Variants in RTTN observed in about 807,000 individuals in gnomAD.
RTTN encodes the protein rotatin.
RTTN carries 182 observed loss-of-function variants against 269.2 expected under a neutral mutation model. The ratio of observed to expected loss-of-function variants is 0.68; its 90% confidence interval spans 0.60 to 0.76. RTTN has a LOEUF of 0.76. Ranked by LOEUF, RTTN falls within the 30% of genes least tolerant of loss-of-function variation. The pLI, the probability that RTTN is intolerant of heterozygous loss-of-function variation, is 0.00. For synonymous variants in RTTN, 1,006 were observed against 963.5 expected, an observed-to-expected ratio of 1.04 and a Z score of -0.82; for missense variants, 2,545 against 2,608.6, an observed-to-expected ratio of 0.98 and a Z score of 0.53.
intron 46 of RTTN, among the ~76,000 whole-genome samples, chr18:70,016,711 G>A (rs375345501): frequency 5.3e-5 from 8 of 152,002 alleles, no homozygotes; most frequent in Middle Eastern, 3.4e-3. Context: ...AAGTCTCTGC[G>A]AGGCTCACTG....
chr18:70,190,474 A>C (rs2061644455), intron 9 of RTTN, 64 bp downstream of exon 9: 1 of 1,307,974 alleles, frequency 7.6e-7, no homozygotes, highest in Admixed American at 1.9e-5. Context: ...AAAAAAGGAA[A>C]ATCCTAACGA....
At chr18:70,140,810 G>A (rs1038265854) in intron 19 of RTTN, among the ~76,000 whole-genome samples, 4 of 151,940 alleles carry the variant, frequency 2.6e-5, no homozygotes, top group East Asian at 1.9e-4. Flanking sequence ...ATGTGCACAC[G>A]CACACACAAA....
intron 40 of RTTN, among the ~76,000 whole-genome samples, chr18:70,045,850 G>A (rs1036733091): frequency 6.6e-6 from 1 of 152,128 alleles, no homozygotes; most frequent in Non-Finnish European, 1.5e-5. Context: ...CACAAAATAC[G>A]TGATTTGTAA....
At chr18:70,047,829 C>T in intron 40 of RTTN, 142 bp downstream of exon 40, 2 of 693,526 alleles carry the variant, frequency 2.9e-6, no homozygotes, top group Admixed American at 2.9e-5. Flanking sequence ...ACTTTATAAA[C>T]TTTTGTATCA....
intron 40 of RTTN, among the ~76,000 whole-genome samples, chr18:70,036,361 G>C (rs1435399126): frequency 6.6e-6 from 1 of 152,322 alleles, no homozygotes; most frequent in East Asian, 1.9e-4. Context: ...ATACTATGCA[G>C]CCATAAAAAA....
chr18:70,121,164 T>G (rs2059727900), intron 26 of RTTN, among the ~76,000 whole-genome samples: 2 of 152,090 alleles, frequency 1.3e-5, no homozygotes, highest in South Asian at 4.1e-4. Flanking sequence ...TGAACACACT[T>G]TATCTTTATA....
chr18:70,176,788 T>G lies in RTTN; in HGVS notation c.1363A>C (p.Ser455Arg), dbSNP rs182104010. The G allele has an allele frequency of 6.2e-7, 1 of 1,614,114 alleles. No individual in the cohort carries two copies. Among genetic ancestry groups the G allele is most frequent in the Non-Finnish European group, 8.5e-7 (1 of 1,179,964 alleles). Residue 455 changes from serine (S) to arginine (R), a missense_variant, in exon 11 of 49, where the codon AGT becomes CGT. Physicochemically the swap from Ser to Arg is moderately radical, Grantham distance 110. Transcript: ENST00000640769. The part of the protein sequence containing the change: ...ALGETMCYHK[S>R]SISLEQPEVM... ...TCTGGCTGCTCCAAACTGATACTAC[T>G]TTTATGGTAGCACATGGTTTCTCCA...
intron 17 of RTTN, among the ~76,000 whole-genome samples, chr18:70,147,643 G>T (rs923037300): frequency 6.6e-6 from 1 of 151,992 alleles, no homozygotes. Flanking sequence ...GATGGGATGG[G>T]GTAGAATTAA....
chr18:70,116,739 C>G (rs767279616), intron 26 of RTTN, among the ~76,000 whole-genome samples: 18 of 152,030 alleles, frequency 1.2e-4, no homozygotes, highest in Non-Finnish European at 2.7e-4. Context: ...TCATATCCAA[C>G]TTTACATCCA....
At chr18:70,036,812 C>T (rs143195534) in intron 40 of RTTN, among the ~76,000 whole-genome samples, 2 of 152,112 alleles carry the variant, frequency 1.3e-5, no homozygotes, top group African/African-American at 4.8e-5. Context: ...AGAAAAGCAC[C>T]GTCACGAGAA....
intron 45 of RTTN, chr18:70,019,672 C>T (rs1425527675): frequency 6.6e-6 from 1 of 152,294 alleles, no homozygotes; most frequent in East Asian, 1.9e-4. Flanking sequence ...GTAACATCAA[C>T]TGGAATTTTT....
At chr18:70,062,319 G>T (rs1335773499) in intron 35 of RTTN, among the ~76,000 whole-genome samples, 1 of 151,944 alleles carries the variant, frequency 6.6e-6, no homozygotes, top group Non-Finnish European at 1.5e-5. Context: ...TGCAGAGAAG[G>T]GTCACTATCC....
rs1212308634 is a variant in RTTN, at chr18:70,048,267, G to A, written c.5324-79C>T. 3.9e-6 allele frequency: 5 copies of A among 1,289,946 alleles called. No homozygotes were observed. The African/African-American group carries it at 5.9e-5, about 15-fold the overall frequency. The allele number at this position is 1,289,946 out of a possible 1,614,324, so 79.9% of individuals were successfully genotyped here. A position where few individuals can be genotyped will look rare whatever the true frequency, so the allele number is the denominator to read the frequency against. On this transcript the variant is annotated intron_variant, in intron 39 of 48. Transcript: ENST00000640769. ...AAAAGGAAATCAAGTTGATTTTAAA[G>A]TAACTATACTCTGGATCATCTAGAT...
chr18:70,132,698 C>T (rs1441777783), intron 23 of RTTN, among the ~76,000 whole-genome samples: 1 of 151,868 alleles, frequency 6.6e-6, no homozygotes, highest in African/African-American at 2.4e-5. Flanking sequence ...TAATCAATGG[C>T]CAATCCTCCA....
At chr18:70,069,420 T>C (rs1004336289) in intron 34 of RTTN, among the ~76,000 whole-genome samples, 1 of 152,174 alleles carries the variant, frequency 6.6e-6, no homozygotes, top group Non-Finnish European at 1.5e-5. Context: ...TGTTCTTCAG[T>C]GTGTTTGTAA....
chr18:70,111,671 T>C (rs2059470297), intron 27 of RTTN, among the ~76,000 whole-genome samples: 1 of 152,246 alleles, frequency 6.6e-6, no homozygotes, highest in South Asian at 2.1e-4. Context: ...ACCAAATCTA[T>C]GTTCGATTGG....
rs748817683 is a variant in RTTN at position 70,134,483 on chromosome 18, C to T, written c.2944G>A (p.Val982Ile). 1.1e-5 allele frequency: 18 copies of T among 1,606,766 alleles called. No individual in the cohort carries two copies. The highest frequency in any genetic ancestry group is 8.4e-5 in the Admixed American group (5 of 59,256). ...LPSVFSLPVS[V>I]FRRYHLPVHV... The stretch of plus-strand genomic sequence containing the variant: ...AAATAAATCCTTTACCTTCTAAAAA[C>T]GGAAACAGGCAAACTGAAGACCGAT... The change falls in exon 23 of 49, where the codon GTT becomes ATT. Residue 982 changes from valine to isoleucine, a missense_variant. Coordinates refer to ENST00000640769, the MANE Select transcript of RTTN (RefSeq NM_173630.4).
At chr18:70,178,113 T>C (rs1342754475) in intron 10 of RTTN, among the ~76,000 whole-genome samples, 1 of 152,168 alleles carries the variant, frequency 6.6e-6, no homozygotes, top group Admixed American at 6.5e-5. Context: ...CCGGACGCGA[T>C]GGCTCACGCC....
intron 33 of RTTN, among the ~76,000 whole-genome samples, chr18:70,074,516 T>C (rs1231786596): frequency 6.6e-6 from 1 of 152,128 alleles, no homozygotes; most frequent in African/African-American, 2.4e-5. Context: ...AACTTACTCT[T>C]AAATGGCTCA....
Sources: gnomAD v4.1 joint callset for allele counts (sites outside exome capture counted in the v4.1 genomes callset) on GRCh38, gnomAD v4.1.1 for gene constraint, MANE v1.5 for transcripts, NCBI Gene and HGNC (gene_info 2026-07-23, HGNC 2026-07-21) for gene names.